Variants in SLC22A16 observed in about 807,000 individuals in gnomAD.
SLC22A16 encodes WUGSC:RG331P03.1.
In SLC22A16, 53 loss-of-function variants were observed where a neutral mutation model predicts 52.9. That is an observed-to-expected ratio of 1.00 (90% confidence interval 0.80 to 1.26). The LOEUF (loss-of-function observed/expected upper bound fraction) is 1.26, where lower values mean the gene tolerates loss of function less well. SLC22A16 is among the 50% of genes most tolerant of loss of function. SLC22A16 has a pLI of 0.00. For synonymous variants in SLC22A16, 291 were observed against 268.8 expected (o/e 1.08, Z -0.81); for missense variants, 726 against 704.0 (o/e 1.03, Z -0.35).
intron 2 of SLC22A16, chr6:110,456,317 A>C: frequency 1.8e-6 from 1 of 566,908 alleles, no homozygotes; most frequent in Non-Finnish European, 3.0e-6. Context: ...TGGGGTCCAC[A>C]GTTAATAAGT....
intron 2 of SLC22A16, among the ~76,000 whole-genome samples, chr6:110,454,790 A>AT (rs1775551649): frequency 1.7e-5 from 1 of 57,586 alleles, no homozygotes; most frequent in East Asian, 7.7e-4. Flanking sequence ...ATAAATATAT[A>AT]AATATATATA....
intron 1 of SLC22A16, among the ~76,000 whole-genome samples, chr6:110,457,373 G>A (rs1007794784): frequency 2.6e-5 from 4 of 152,208 alleles, no homozygotes; most frequent in African/African-American, 9.6e-5. Context: ...ATACCATAAA[G>A]TAAGGAAATA....
chr6:110,462,354 T>C (rs747391386), intron 1 of SLC22A16, among the ~76,000 whole-genome samples: 3 of 152,098 alleles, frequency 2.0e-5, no homozygotes, highest in Non-Finnish European at 2.9e-5. Flanking sequence ...GGATCCTAAC[T>C]AAAATGAAAA....
At chr6:110,443,394 A>G (rs1432138976) in intron 3 of SLC22A16, among the ~76,000 whole-genome samples, 2 of 152,218 alleles carry the variant, frequency 1.3e-5, no homozygotes, top group Non-Finnish European at 2.9e-5. Flanking sequence ...AGACAATCCA[A>G]TTCAAAAATG....
At chr6:110,454,391 T>C (rs530465338) in intron 2 of SLC22A16, among the ~76,000 whole-genome samples, 67 of 150,884 alleles carry the variant, frequency 4.4e-4, no homozygotes, top group Non-Finnish European at 8.7e-4. Flanking sequence ...CTTAAGGTTT[T>C]TCTGGAGCTC....
intron 7 of SLC22A16, among the ~76,000 whole-genome samples, chr6:110,428,313 A>G (rs1227817445): frequency 5.3e-5 from 8 of 151,432 alleles, no homozygotes; most frequent in African/African-American, 1.5e-4. Flanking sequence ...ACATTCACAG[A>G]CTACTTCCAT....
intron 1 of SLC22A16, among the ~76,000 whole-genome samples, chr6:110,473,271 C>T (rs967937711): frequency 1.3e-5 from 2 of 152,092 alleles, no homozygotes; most frequent in Non-Finnish European, 2.9e-5. Context: ...CTGCCACAGG[C>T]TCCACATTCC....
chr6:110,474,425 T>G (rs1776386694), intron 1 of SLC22A16, among the ~76,000 whole-genome samples: 2 of 152,218 alleles, frequency 1.3e-5, no homozygotes, highest in South Asian at 4.1e-4. Context: ...AACAAATACC[T>G]GAGAAAAATG....
intron 1 of SLC22A16, among the ~76,000 whole-genome samples, chr6:110,470,446 C>G (rs1776220709): frequency 6.6e-6 from 1 of 152,174 alleles, no homozygotes; most frequent in African/African-American, 2.4e-5. Context: ...CACTGAAAAG[C>G]TCAGGTTCTG....
intron 7 of SLC22A16, among the ~76,000 whole-genome samples, chr6:110,429,302 C>T (rs1049945650): frequency 7.2e-5 from 11 of 152,156 alleles, no homozygotes; most frequent in African/African-American, 2.7e-4. Flanking sequence ...GGATCTAACA[C>T]CCCAATGGCA....
intron 7 of SLC22A16, among the ~76,000 whole-genome samples, chr6:110,429,672 C>G (rs961737310): frequency 1.3e-5 from 2 of 152,140 alleles, no homozygotes; most frequent in Non-Finnish European, 2.9e-5. Flanking sequence ...AGCACAACAG[C>G]CTGACTGGGG....
chr6:110,456,859 A>C lies in SLC22A16; in HGVS notation c.212T>G (p.Leu71Trp). The C allele has an allele frequency of 1.9e-6, 3 of 1,614,142 alleles. No homozygotes were observed. The highest frequency in any genetic ancestry group is 2.5e-6 in the Non-Finnish European group (3 of 1,180,010). ...AGACAACAGGGCCCCGGTGTCCTCCAAACTCCAATTAGAGTGATTATGGAA... is the reference window on the plus strand; with the variant it reads ...AGACAACAGGGCCCCGGTGTCCTCCCAACTCCAATTAGAGTGATTATGGAA... ...VVFHNHSNWS[L>W]EDTGALLSSG... Residue 71 changes from leucine to tryptophan, a missense_variant, in exon 2 of 8, where the codon TTG becomes TGG. Leu to Trp is a moderately conservative substitution (Grantham distance 61). Coordinates refer to ENST00000368919, the MANE Select transcript of SLC22A16 (RefSeq NM_033125.4).
intron 3 of SLC22A16, among the ~76,000 whole-genome samples, chr6:110,446,138 C>A (rs569835746): frequency 6.6e-6 from 1 of 152,250 alleles, no homozygotes; most frequent in African/African-American, 2.4e-5. Flanking sequence ...AGATCACAAG[C>A]TCCTCCTCCA....
intron 1 of SLC22A16, among the ~76,000 whole-genome samples, chr6:110,471,096 A>G (rs950181873): frequency 2.0e-5 from 3 of 152,196 alleles, no homozygotes; most frequent in Non-Finnish European, 4.4e-5. Flanking sequence ...ATGCCACAAA[A>G]CGACGTTTCG....
chr6:110,425,475 T>C (rs1774222962), intron 7 of SLC22A16: 1 of 1,212,640 alleles, frequency 8.2e-7, no homozygotes, highest in Non-Finnish European at 1.1e-6. Context: ...GGTCAGGACA[T>C]GCCAAGCAGG....
At chr6:110,474,924 C>T (rs764428969) in intron 1 of SLC22A16, 2 of 518,870 alleles carry the variant, frequency 3.9e-6, no homozygotes, top group African/African-American at 1.9e-5. Flanking sequence ...GATGTAAGTA[C>T]CACCTACCTC....
chr6:110,445,716 T>C (rs1775144340), intron 3 of SLC22A16, among the ~76,000 whole-genome samples: 1 of 152,192 alleles, frequency 6.6e-6, no homozygotes, highest in South Asian at 2.1e-4. Context: ...AAATATCCTC[T>C]TAAGTCTTCC....
chr6:110,456,459 T>C (rs1582569485), intron 2 of SLC22A16, 79 bp downstream of exon 2: 2 of 1,517,186 alleles, frequency 1.3e-6, no homozygotes, highest in East Asian at 4.5e-5. Flanking sequence ...GTTTTAAACA[T>C]AATTCCTTGT....
At chr6:110,438,994 C>T in intron 4 of SLC22A16, 147 bp from the exon 5 acceptor site, 1 of 958,908 alleles carries the variant, frequency 1.0e-6, no homozygotes, top group East Asian at 2.7e-5. Flanking sequence ...TGCTGCGAGG[C>T]AGCCAGCCCC....
Sources: gnomAD v4.1 joint callset for allele counts (sites outside exome capture counted in the v4.1 genomes callset) on GRCh38, gnomAD v4.1.1 for gene constraint, MANE v1.5 for transcripts, NCBI Gene and HGNC (gene_info 2026-07-23, HGNC 2026-07-21) for gene names.